Variants in AMPD2 observed in about 807,000 individuals in gnomAD.
AMPD2 encodes the protein AMP deaminase 2.
AMPD2 carries 52 observed loss-of-function variants against 91.3 expected under a neutral mutation model. The observed-to-expected ratio is 0.57, with a 90% CI of 0.46 to 0.72. The LOEUF (loss-of-function observed/expected upper bound fraction) is 0.72. AMPD2 is among the 30% of genes least tolerant of loss of function. The pLI is 0.00. For missense variants in AMPD2, 822 were observed against 1,122.3 expected (o/e 0.73, Z 3.82); for synonymous variants, 455 against 456.4 (o/e 1.00, Z 0.04).
In AMPD2 at chr1:109,626,220, G is replaced by C; in HGVS notation, c.414G>C (p.Ser138=). ...ATTTCCTGAAGACGGACAGTGACTC[G>C]GACCTACAGTGAGGAGGGCAGAGGG... ...KQDFLKTDSD[S]DLQLYKEQGE... The change falls in exon 5 of 19, where the codon TCG becomes TCC. Residue 138 remains serine, a synonymous_variant. Transcript: ENST00000528667. 1 of 1,614,160 alleles carries C rather than the reference G, an allele frequency of 6.2e-7. No homozygotes were observed. The highest frequency in any genetic ancestry group is 8.5e-7 in the Non-Finnish European group (1 of 1,180,034).
rs996987990 is a variant in AMPD2 at position 109,631,679 on chromosome 1, G to A, written c.*527G>A. ...AGCTGGGCCTAGAGCTCAGTCACAGGCCTGGGCTTCCTGGCCTGAGTGGGT... is the reference window on the plus strand; with the variant it reads ...AGCTGGGCCTAGAGCTCAGTCACAGACCTGGGCTTCCTGGCCTGAGTGGGT... On this transcript the variant is annotated 3_prime_UTR_variant, in exon 19 of 19. Coordinates refer to ENST00000528667, the MANE Select transcript of AMPD2 (RefSeq NM_001368809.2). 3.6e-5 allele frequency: 6 copies of A among 168,540 alleles called. No individual in the cohort carries two copies. Among genetic ancestry groups the A allele is most frequent in the Admixed American group, 5.5e-5 (1 of 18,214 alleles). The allele number at this position is 168,540 out of a possible 1,614,324, so 10.4% of individuals were successfully genotyped here.
At chr1:109,630,029 CT>C (rs1455271493) in intron 16 of AMPD2, 113 bp downstream of exon 16, 1 of 1,491,348 alleles carries the variant, frequency 6.7e-7, no homozygotes, top group Non-Finnish European at 9.1e-7. Flanking sequence ...TGGATTCTGC[CT>C]TCCCAATGTA....
intron 1 of AMPD2, chr1:109,620,682 G>C (rs372359495): frequency 8.3e-7 from 1 of 1,209,440 alleles, no homozygotes; most frequent in African/African-American, 1.6e-5. Flanking sequence ...GAGTATGCCT[G>C]CCCTGCCCCG....
rs1259942899 is a variant in AMPD2, at chr1:109,620,212, C to T, written c.-329C>T. 11 of 1,613,644 alleles carry T rather than the reference C, an allele frequency of 6.8e-6. No homozygotes were observed. Among genetic ancestry groups the T allele is most frequent in the Admixed American group, 3.3e-5 (2 of 60,008 alleles). On this transcript the variant is annotated 5_prime_UTR_variant, in exon 1 of 19. Transcript: ENST00000528667. ...GATCCCCCTGCCGTCCCTCAGGACC[C>T]GGGCTTTCTGCTGTACAGACTTCTC...
chr1:109,622,661 C>T (rs1460445662), intron 2 of AMPD2, among the ~76,000 whole-genome samples: 1 of 152,170 alleles, frequency 6.6e-6, no homozygotes, highest in Admixed American at 6.5e-5. Context: ...CTGCGGCAGC[C>T]CTGGAGAGTG....
chr1:109,627,461 T>C lies in AMPD2; in HGVS notation c.893T>C (p.Leu298Pro). ...CSEVELPYPD[L>P]QEFVADVNVL... is the part of the protein sequence containing the mutation. ...GAGGTGGAGCTGCCATACCCTGACC[T>C]GCAGGAATTTGTGGCTGACGTCAAT... The change falls in exon 9 of 19, where the codon CTG becomes CCG. Residue 298 changes from leucine (L) to proline (P), a missense_variant. This residue lies in a region of AMPD2 where 240 missense variants were observed against 270.3 expected (regional missense o/e 0.89). Transcript: ENST00000528667. 1 of 1,614,074 alleles carries C rather than the reference T, an allele frequency of 6.2e-7. No homozygotes were observed. The highest frequency in any genetic ancestry group is 1.1e-5 in the South Asian group (1 of 91,086).
In AMPD2 at chr1:109,625,635, A is replaced by G. The variant is rs1247764392; in HGVS notation, c.223-27A>G. On this transcript the variant is annotated intron_variant, in intron 3 of 18. Coordinates refer to ENST00000528667, the MANE Select transcript of AMPD2 (RefSeq NM_001368809.2). This position sits in a 1 kb window ranked among gnomAD's most constrained non-coding sequence, Gnocchi z 4.0. ...AGTGCCCGAGGGCGGAGGGCCAGCC[A>G]TGCTGACCTTCCTTCCCTCCCCCCA... is the stretch of plus-strand genomic sequence containing the variant. 3.1e-6 allele frequency: 5 copies of G among 1,611,414 alleles called. No individual in the cohort carries two copies. The African/African-American group carries it at 4.0e-5, about 13-fold the overall frequency.
At position 109,624,017 on chromosome 1, in the gene AMPD2, G is replaced by C; in HGVS notation, c.92-1286G>C. On this transcript the variant is annotated intron_variant, in intron 2 of 18. Transcript: ENST00000528667. This position sits in a 1 kb window ranked among gnomAD's most constrained non-coding sequence, Gnocchi z 5.2. ...AGCCTGTGCCAGCCCCTGAGGGACC[G>C]GCTGCAGCTTCACTGGCAAACAGGC... 1 of 985,706 alleles carries C rather than the reference G, an allele frequency of 1.0e-6. No individual in the cohort carries two copies. The highest frequency in any genetic ancestry group is 1.2e-6 in the Non-Finnish European group (1 of 830,168). 61.1% of individuals were successfully genotyped at this position (985,706 alleles called of 1,614,324 possible).
chr1:109,621,526 G>GGTGTGTATGCACACGTGTCAGC, intron 2 of AMPD2: 2 of 600,684 alleles, frequency 3.3e-6, no homozygotes, highest in South Asian at 3.7e-5. Flanking sequence ...TGCAGCAAGA[G>GGTGTGTATGCACACGTGTCAGC]GTGTGTATGC....
chr1:109,629,311 C>A lies in AMPD2; in HGVS notation c.1699-16C>A. 6.2e-7 allele frequency: 1 copy of A among 1,614,122 alleles called. No individual in the cohort carries two copies. The highest frequency in any genetic ancestry group is 1.1e-5 in the South Asian group (1 of 91,082). On this transcript the variant is annotated splice_polypyrimidine_tract_variant and intron_variant, in intron 14 of 18. Coordinates refer to ENST00000528667, the MANE Select transcript of AMPD2 (RefSeq NM_001368809.2). ...CCAGCTGCAGCTCTGGTTCTGACCC[C>A]AGGGTTCTGTATTAGGTGGATGGTT... is the stretch of plus-strand genomic sequence containing the variant.
chr1:109,631,571 G>T lies in AMPD2; in HGVS notation c.*419G>T. 3.6e-6 allele frequency: 1 copy of T among 278,170 alleles called. No homozygotes were observed. The highest frequency in any genetic ancestry group is 7.0e-6 in the Non-Finnish European group (1 of 142,348). The allele number at this position is 278,170 out of a possible 1,614,324, so 17.2% of individuals were successfully genotyped here. A position where few individuals can be genotyped will look rare whatever the true frequency, so the allele number is the denominator to read the frequency against. ...CCTGTCTTGTTCATGTAGCCGAGGG[G>T]CAGGCGGGGGACCTCTACACCTCTG... On this transcript the variant is annotated 3_prime_UTR_variant, in exon 19 of 19. Coordinates refer to ENST00000528667, the MANE Select transcript of AMPD2 (RefSeq NM_001368809.2).
Position 109,627,533 on chromosome 1 carries a change from A to T in AMPD2, c.950+15A>T, listed in dbSNP as rs1389674017. On this transcript the variant is annotated intron_variant, in intron 9 of 18. Transcript: ENST00000528667. ...AATGGCCCCATGTGAGTCCCCTGCCATCCCAGACACTTAGCTCCCCTCCCA... is the reference window on the plus strand; with the variant it reads ...AATGGCCCCATGTGAGTCCCCTGCCTTCCCAGACACTTAGCTCCCCTCCCA... 6.2e-7 allele frequency: 1 copy of T among 1,613,502 alleles called. No individual in the cohort carries two copies. Among genetic ancestry groups the T allele is most frequent in the East Asian group, 2.2e-5 (1 of 44,862 alleles).
At chr1:109,630,608 A>G (rs367874464) in intron 17 of AMPD2, 75 bp from the exon 18 acceptor site, 3 of 1,283,614 alleles carry the variant, frequency 2.3e-6, no homozygotes, top group African/African-American at 3.0e-5. Context: ...GGGGAGAGTG[A>G]GTGAGGAGGC....
rs368569237 is a variant in AMPD2, at chr1:109,629,281, C to A, written c.1698+46C>A. 3 of 1,613,950 alleles carry A rather than the reference C, an allele frequency of 1.9e-6. 1 individual carries two copies. In the South Asian group the frequency reaches 3.3e-5, roughly 18 times the overall value. On this transcript the variant is annotated intron_variant, in intron 14 of 18. Coordinates refer to ENST00000528667, the MANE Select transcript of AMPD2 (RefSeq NM_001368809.2). ...TGGGTATGGGGAGGGCAGCCGGCTT[C>A]GCATCCAGCTGCAGCTCTGGTTCTG...
chr1:109,629,561 G>T, intron 15 of AMPD2, 71 bp downstream of exon 15: 1 of 1,572,846 alleles, frequency 6.4e-7, no homozygotes, highest in Non-Finnish European at 8.7e-7. Flanking sequence ...TGGCACCTTG[G>T]GCCAGGGCCA....
chr1:109,628,569 G>A lies in AMPD2; in HGVS notation c.1407+74G>A, dbSNP rs1177397150. ...GCTTTTAGGGGGTGAGACTCAAGGA[G>A]GGTAGGCAGATGACCCCCTGAAGAG... On this transcript the variant is annotated intron_variant, in intron 12 of 18. Transcript: ENST00000528667. The surrounding 1 kb of genome is among the most constrained non-coding windows in gnomAD (Gnocchi z 7.1). The A allele has an allele frequency of 1.2e-6, 2 of 1,611,630 alleles. No homozygotes were observed. The highest frequency in any genetic ancestry group is 4.5e-5 in the East Asian group (2 of 44,834).
chr1:109,622,211 C>G, intron 2 of AMPD2: 1 of 456,298 alleles, frequency 2.2e-6, no homozygotes, highest in South Asian at 1.5e-5. Flanking sequence ...CTCTACTGTC[C>G]TGAGGGTGTT....
intron 9 of AMPD2, 87 bp from the exon 10 acceptor site, chr1:109,627,687 A>C (rs558759765): frequency 6.4e-7 from 1 of 1,571,694 alleles, no homozygotes; most frequent in South Asian, 1.2e-5. Flanking sequence ...TTACCCTCCC[A>C]CCTGCTCCCT....
chr1:109,626,464 C>T, intron 6 of AMPD2, 37 bp downstream of exon 6: 1 of 1,553,620 alleles, frequency 6.4e-7, no homozygotes, highest in South Asian at 1.2e-5. Flanking sequence ...GTCGCCATCA[C>T]CTATGTCTTA....
Sources: gnomAD v4.1 joint callset for allele counts (sites outside exome capture counted in the v4.1 genomes callset) on GRCh38, gnomAD v4.1.1 for gene constraint, gnomAD v4.1.1 regional missense constraint, Gnocchi (gnomAD v3.1) non-coding constraint, MANE v1.5 for transcripts, NCBI Gene and HGNC (gene_info 2026-07-23, HGNC 2026-07-21) for gene names.